Variants in HEATR5A observed in about 807,000 individuals in gnomAD.
HEATR5A encodes HEAT repeat containing 5A.
A neutral mutation model predicts 218.8 loss-of-function variants in HEATR5A; 178 were observed. The observed-to-expected ratio is 0.81, with a 90% CI of 0.72 to 0.92. The LOEUF (loss-of-function observed/expected upper bound fraction) is 0.92. HEATR5A is among the 40% of genes least tolerant of loss of function. HEATR5A has a pLI of 0.00. For missense variants in HEATR5A, 2,420 were observed against 2,418.9 expected (o/e 1.00, Z -0.01); for synonymous variants, 864 against 871.6 (o/e 0.99, Z 0.15).
At chr14:31,295,232 T>C (rs544682324) in intron 34 of HEATR5A, among the ~76,000 whole-genome samples, 1 of 152,242 alleles carries the variant, frequency 6.6e-6, no homozygotes, top group South Asian at 2.1e-4. Context: ...CACATTCATA[T>C]TACTGAAGGT....
At chr14:31,329,583 C>T (rs983871725) in intron 22 of HEATR5A, among the ~76,000 whole-genome samples, 1 of 152,208 alleles carries the variant, frequency 6.6e-6, no homozygotes, top group African/African-American at 2.4e-5. Context: ...GGCAGCTCCA[C>T]CCTGTGGCTT....
Position 31,305,784 on chromosome 14 carries a change from G to A in HEATR5A, c.4967-607C>T, listed in dbSNP as rs79653470. The stretch of plus-strand genomic sequence containing the variant: ...TCCAGAAATTACCATGTGACCTTAC[G>A]TATCGATGGTGGCTGGACAGAAAGA... On this transcript the variant is annotated intron_variant, in intron 31 of 35. Transcript: ENST00000543095. Among the ~76,000 whole-genome samples, 274 of 152,228 alleles carry A rather than the reference G, an allele frequency of 1.8e-3. 3 individuals are homozygous for A. Among genetic ancestry groups the A allele is most frequent in the African/African-American group, 6.4e-3 (266 of 41,560 alleles).
chr14:31,362,590 T>C, intron 14 of HEATR5A, among the ~76,000 whole-genome samples: 1 of 109,088 alleles, frequency 9.2e-6, no homozygotes, highest in African/African-American at 3.6e-5. Flanking sequence ...CAGCAAGACC[T>C]CATCTCTACA....
At chr14:31,377,107 T>C (rs931661970) in intron 11 of HEATR5A, among the ~76,000 whole-genome samples, 10 of 139,682 alleles carry the variant, frequency 7.2e-5, no homozygotes, top group African/African-American at 2.1e-4. Context: ...CTGGGTAACA[T>C]GGTGAGACCC....
chr14:31,383,312 C>T (rs1478646800), intron 10 of HEATR5A, among the ~76,000 whole-genome samples: 1 of 152,010 alleles, frequency 6.6e-6, no homozygotes, highest in East Asian at 1.9e-4. Flanking sequence ...CAAATAATAC[C>T]ACTAACTAAA....
At chr14:31,395,111 C>T in intron 5 of HEATR5A, 88 bp downstream of exon 5, 2 of 828,372 alleles carry the variant, frequency 2.4e-6, no homozygotes, top group Non-Finnish European at 3.5e-6. Context: ...CTACCAAGAT[C>T]ATGTAGCTTT....
chr14:31,411,009 T>C (rs970294410), intron 1 of HEATR5A, among the ~76,000 whole-genome samples: 1 of 152,212 alleles, frequency 6.6e-6, no homozygotes, highest in African/African-American at 2.4e-5. Context: ...AATAATTTGA[T>C]TGAGCTGAGT....
chr14:31,346,803 C>T (rs927323371), intron 19 of HEATR5A, among the ~76,000 whole-genome samples: 1 of 152,106 alleles, frequency 6.6e-6, no homozygotes, highest in Non-Finnish European at 1.5e-5. Context: ...GAGGCTATGA[C>T]AGTAATTTGG....
rs180969048 is a variant in HEATR5A at position 31,302,354 on chromosome 14, G to A, written c.5405C>T (p.Thr1802Ile). The change falls in exon 33 of 36, where the codon ACT becomes ATT. Residue 1802 changes from threonine to isoleucine, a missense_variant. By Grantham distance (89) the Thr-to-Ile change is moderately conservative. Coordinates refer to ENST00000543095, the MANE Select transcript of HEATR5A (RefSeq NM_015473.4). ...ACTTCGGAGAAGGTCAGTCCAAGCA[G>A]TACGGCTCTTTTCTGCCCGGGCCAT... The part of the protein sequence containing the change: ...SPMARAEKSR[T>I]AWTDLLRSAL... 3.4e-4 allele frequency: 539 copies of A among 1,604,998 alleles called. No individual in the cohort carries two copies. The highest frequency in any genetic ancestry group is 4.4e-4 in the Non-Finnish European group (520 of 1,175,664).
chr14:31,389,068 A>G (rs1253110906), intron 6 of HEATR5A, 63 bp from the exon 7 acceptor site: 1 of 1,400,098 alleles, frequency 7.1e-7, no homozygotes, highest in Non-Finnish European at 9.7e-7. Flanking sequence ...TAAGTTCTTG[A>G]TTTGCAAAAA....
intron 4 of HEATR5A, 76 bp downstream of exon 4, chr14:31,398,597 C>T (rs2030749030): frequency 1.4e-6 from 1 of 740,530 alleles, no homozygotes; most frequent in Non-Finnish European, 2.2e-6. Context: ...ATGTAAAGCT[C>T]TTTGATTTGC....
intron 19 of HEATR5A, among the ~76,000 whole-genome samples, chr14:31,345,895 C>G (rs568138785): frequency 1.4e-5 from 2 of 143,224 alleles, no homozygotes; most frequent in Admixed American, 1.4e-4. Flanking sequence ...ATGGCAGGTG[C>G]GCACACACAT....
intron 22 of HEATR5A, among the ~76,000 whole-genome samples, chr14:31,329,690 C>G (rs1900397526): frequency 1.3e-5 from 2 of 152,068 alleles, no homozygotes. Context: ...GTGGATCTAC[C>G]ACTCTGGGGT....
intron 27 of HEATR5A, among the ~76,000 whole-genome samples, 165 bp downstream of exon 27, chr14:31,315,605 G>C (rs1291325894): frequency 6.6e-6 from 1 of 152,150 alleles, no homozygotes; most frequent in Non-Finnish European, 1.5e-5. Context: ...TAAAATGCTT[G>C]ACTAACATAT....
rs991890430 is a variant in HEATR5A at position 31,342,266 on chromosome 14, T to C, written c.3228+1630A>G. Among the ~76,000 whole-genome samples the C allele has an allele frequency of 4.6e-5, 7 of 152,094 alleles. No homozygotes were observed. The East Asian group carries it at 1.2e-3, about 25-fold the overall frequency. On this transcript the variant is annotated intron_variant, in intron 21 of 35. Coordinates refer to ENST00000543095, the MANE Select transcript of HEATR5A (RefSeq NM_015473.4). ...AGCTAGGTGTGGTGGTACTTTACTGTAGTCCGAGCTACTTCGGAGGCTGAA... is the reference window on the plus strand; with the variant it reads ...AGCTAGGTGTGGTGGTACTTTACTGCAGTCCGAGCTACTTCGGAGGCTGAA...
At chr14:31,347,111 C>T (rs1330104986) in intron 19 of HEATR5A, among the ~76,000 whole-genome samples, 5 of 152,172 alleles carry the variant, frequency 3.3e-5, no homozygotes, top group African/African-American at 1.2e-4. Flanking sequence ...TAAATTATTA[C>T]AAGGACTAAA....
At chr14:31,310,372 G>T (rs1480065610) in intron 28 of HEATR5A, among the ~76,000 whole-genome samples, 2 of 152,148 alleles carry the variant, frequency 1.3e-5, no homozygotes, top group African/African-American at 4.8e-5. Context: ...AGGCACAGTG[G>T]CTCATGCCTG....
intron 1 of HEATR5A, among the ~76,000 whole-genome samples, chr14:31,409,440 C>T (rs2031199562): frequency 6.6e-6 from 1 of 152,010 alleles, no homozygotes; most frequent in African/African-American, 2.4e-5. Flanking sequence ...TGGCTCATGC[C>T]TGTAATCCCA....
At chr14:31,307,777 A>G in intron 30 of HEATR5A, 116 bp downstream of exon 30, 2 of 1,151,558 alleles carry the variant, frequency 1.7e-6, no homozygotes, top group Non-Finnish European at 1.2e-6. Flanking sequence ...GTGAGGCTGT[A>G]TGGTTTAGAA....
Sources: allele counts gnomAD v4.1 joint callset (sites outside exome capture counted in the v4.1 genomes callset), GRCh38; gene constraint gnomAD v4.1.1; transcripts MANE v1.5; gene names NCBI Gene and HGNC (gene_info 2026-07-23, HGNC 2026-07-21).